BMP15: variants seen among roughly 807,000 people sequenced by gnomAD.
The protein encoded by BMP15 is bone morphogenetic protein 15.
A neutral mutation model predicts 4.4 loss-of-function variants in BMP15; 5 were observed. The ratio of observed to expected loss-of-function variants is 1.13; its 90% CI spans 0.59 to 2.38. The LOEUF is 2.38. Among genes scored for constraint, BMP15 ranks in the 30% most tolerant of loss-of-function variants. The probability of loss-of-function intolerance (pLI) is 0.01; values close to 1 mark genes in which losing one functional copy is unlikely to be tolerated. For synonymous variants in BMP15, 125 were observed against 114.6 expected (o/e 1.09, Z -0.58); for missense variants, 339 against 309.8 (o/e 1.09, Z -0.71).
chrX:50,910,949 C>T lies in BMP15; in HGVS notation c.166C>T (p.Gln56Ter). The T allele has an allele frequency of 8.4e-7, 1 of 1,194,428 alleles. No homozygotes were observed. Among genetic ancestry groups the T allele is most frequent in the East Asian group, 3.0e-5 (1 of 32,958 alleles). ...EELLEESPGEQPRKPRLLGHS... is the reference protein window; with the variant it reads ...EELLEESPGE ...GCTGCTAGAAGAATCCCCTGGCGAACAGCCAAGGAAGCCCCGGCTCCTAGG... is the reference window on the plus strand; with the variant it reads ...GCTGCTAGAAGAATCCCCTGGCGAATAGCCAAGGAAGCCCCGGCTCCTAGG... The change falls in exon 1 of 2, where the codon CAG becomes TAG. Residue 56 changes from glutamine (Q) to a stop codon, truncating the protein, a stop_gained. Coordinates refer to ENST00000252677, the MANE Select transcript of BMP15 (RefSeq NM_005448.2). LOFTEE classifies it high-confidence loss of function.
chrX:50,911,164 T>G, intron 1 of BMP15, 53 bp downstream of exon 1: 1 of 1,130,384 alleles, frequency 8.8e-7, no homozygotes, highest in Non-Finnish European at 1.2e-6. Flanking sequence ...TGGAGAGGAG[T>G]GTAGAGAAAA....
At position 50,915,966 on chromosome X, in the gene BMP15, G is replaced by T. The variant is rs104894767; in HGVS notation, c.538G>T (p.Ala180Ser). ...CTCAAAACCTTCCCTGATGTCTAAC[G>T]CTTGGAAAGAGATGGATATCACACA... ...DSSKPSLMSN[A>S]WKEMDITQLV... Residue 180 changes from alanine (A) to serine (S), a missense_variant, in exon 2 of 2, where the codon GCT becomes TCT. By Grantham distance (99) the Ala-to-Ser change is moderately conservative (BLOSUM62 1). Coordinates refer to ENST00000252677, the MANE Select transcript of BMP15 (RefSeq NM_005448.2). The T allele has an allele frequency of 1.0e-4, 125 of 1,209,883 alleles. 1 individual carries two copies. The South Asian group carries it at 2.0e-3, about 19-fold the overall frequency.
chrX:50,915,725 A>C, intron 1 of BMP15, 32 bp from the exon 2 acceptor site: 1 of 1,210,504 alleles, frequency 8.3e-7, no homozygotes, highest in African/African-American at 1.7e-5. Flanking sequence ...AAGAAGCTAA[A>C]CCTCTGCTCT....
At chrX:50,913,941 T>C (rs1923065628) in intron 1 of BMP15, among the ~76,000 whole-genome samples, 1 of 111,582 alleles carries the variant, frequency 9.0e-6, no homozygotes, top group Non-Finnish European at 1.9e-5. Context: ...CCCAAGGGTA[T>C]ATTAAGCATG....
chrX:50,913,377 T>G (rs1209352075), intron 1 of BMP15, among the ~76,000 whole-genome samples: 17 of 111,017 alleles, frequency 1.5e-4, no homozygotes, highest in Non-Finnish European at 3.0e-4. Flanking sequence ...TAGAGGAACA[T>G]TTGAGCCTGG....
Position 50,915,809 on chromosome X carries a change from A to G in BMP15, c.381A>G (p.Leu127=), listed in dbSNP as rs112760570. The change falls in exon 2 of 2, where the codon CTA becomes CTG. Residue 127 remains leucine (L), a synonymous_variant. Transcript: ENST00000252677. ...LGFPLRPNRG[L]YQLVRATVVY... ...TTCCTCTCAGACCAAACCGAGGACT[A>G]TACCAACTAGTTAGAGCCACTGTGG... 2.3e-5 allele frequency: 28 copies of G among 1,209,542 alleles called. No individual in the cohort carries two copies. In the African/African-American group the frequency reaches 3.7e-4, roughly 16 times the overall value.
intron 1 of BMP15, among the ~76,000 whole-genome samples, chrX:50,915,380 T>G (rs1923103948): frequency 9.0e-6 from 1 of 110,742 alleles, no homozygotes; most frequent in Non-Finnish European, 1.9e-5. Context: ...TATATTTGAG[T>G]TTTTTCCCCC....
intron 1 of BMP15, among the ~76,000 whole-genome samples, chrX:50,913,704 C>T (rs1557280126): frequency 9.0e-6 from 1 of 110,642 alleles, no homozygotes; most frequent in African/African-American, 3.3e-5. Flanking sequence ...TCTTAGCAAC[C>T]CCATCCTGCT....
At chrX:50,911,567 C>A (rs1923016502) in intron 1 of BMP15, among the ~76,000 whole-genome samples, 1 of 111,872 alleles carries the variant, frequency 8.9e-6, no homozygotes, top group Admixed American at 9.5e-5. Context: ...GTATACCTGG[C>A]TCTGTGAACA....
intron 1 of BMP15, among the ~76,000 whole-genome samples, chrX:50,911,531 A>G (rs1461616763): frequency 4.5e-5 from 5 of 112,357 alleles, no homozygotes; most frequent in African/African-American, 1.6e-4. Flanking sequence ...CAGAAAGGAC[A>G]TAAATAAGCT....
At chrX:50,912,118 G>A (rs1185536859) in intron 1 of BMP15, among the ~76,000 whole-genome samples, 1 of 111,811 alleles carries the variant, frequency 8.9e-6, no homozygotes, top group Non-Finnish European at 1.9e-5. Context: ...ATTACTGTGT[G>A]CCAGGCATTG....
Position 50,915,683 on chromosome X carries a change from A to C in BMP15, c.329-74A>C, listed in dbSNP as rs73488037. 0.018 allele frequency: 20,943 copies of C among 1,166,283 alleles called. 642 individuals are homozygous for C. Among genetic ancestry groups the C allele is most frequent in the African/African-American group, 0.14 (7,749 of 56,208 alleles). The stretch of plus-strand genomic sequence containing the variant: ...ATTATAGCTATCAGTCTATATCAAG[A>C]CAGTTTATGAGGAATATTCATGTTA... On this transcript the variant is annotated intron_variant, in intron 1 of 1. Coordinates refer to ENST00000252677, the MANE Select transcript of BMP15 (RefSeq NM_005448.2).
In BMP15 at chrX:50,916,277, T is replaced by C; in HGVS notation, c.849T>C (p.His283=). ...AGGTTACTGCCTCTTCCTCAAAACA[T>C]AGCGGGCCTGAAAATAACCAGTGTT... The part of the protein sequence containing the change: ...SAEVTASSSK[H]SGPENNQCSL... The change falls in exon 2 of 2, where the codon CAT becomes CAC. Residue 283 remains histidine, a synonymous_variant. Coordinates refer to ENST00000252677, the MANE Select transcript of BMP15 (RefSeq NM_005448.2). 1 of 1,207,691 alleles carries C rather than the reference T, an allele frequency of 8.3e-7. No individual in the cohort carries two copies. The highest frequency in any genetic ancestry group is 1.1e-6 in the Non-Finnish European group (1 of 893,078).
Position 50,915,858 on chromosome X carries a change from A to C in BMP15, c.430A>C (p.Thr144Pro). Residue 144 changes from threonine to proline, a missense_variant, in exon 2 of 2, where the codon ACT becomes CCT. By Grantham distance (38) the Thr-to-Pro change is conservative. Transcript: ENST00000252677. ...TVVYRHHLQLTRFNLSCHVEP... is the reference protein window; with the variant it reads ...TVVYRHHLQLPRFNLSCHVEP... Reference sequence around the variant, plus strand: ...GGTTTACCGCCATCATCTCCAACTAACTCGCTTCAATCTCTCCTGCCATGT... The same window carrying C: ...GGTTTACCGCCATCATCTCCAACTACCTCGCTTCAATCTCTCCTGCCATGT... 2 of 1,211,010 alleles carry C rather than the reference A, an allele frequency of 1.7e-6. No homozygotes were observed. Among genetic ancestry groups the C allele is most frequent in the Non-Finnish European group, 2.2e-6 (2 of 895,276 alleles).
chrX:50,910,828 C>T lies in BMP15; in HGVS notation c.45C>T (p.Leu15=), dbSNP rs956419383. The T allele has an allele frequency of 5.8e-6, 7 of 1,208,102 alleles. No homozygotes were observed. The highest frequency in any genetic ancestry group is 7.8e-6 in the Non-Finnish European group (7 of 894,118). The change falls in exon 1 of 2, where the codon CTC becomes CTT. Residue 15 remains leucine (L), a synonymous_variant. Transcript: ENST00000252677. ...TTAGAATTCTTTTTCTTTGTGAACT[C>T]GTGCTTTTCATGGAACACAGGGCCC... is the stretch of plus-strand genomic sequence containing the variant. ...SILRILFLCE[L]VLFMEHRAQM... is the part of the protein sequence containing the mutation.
chrX:50,916,596 A>G lies in BMP15; in HGVS notation c.1168A>G (p.Thr390Ala). 1 of 1,211,453 alleles carries G rather than the reference A, an allele frequency of 8.3e-7. No individual in the cohort carries two copies. The highest frequency in any genetic ancestry group is 1.1e-6 in the Non-Finnish European group (1 of 895,500). Residue 390 changes from threonine to alanine, a missense_variant, in exon 2 of 2, where the codon ACA becomes GCA. Physicochemically the swap from Thr to Ala is moderately conservative, Grantham distance 58 (BLOSUM62 0). Transcript: ENST00000252677. ...EYEGMIAESC[T>A]CR ...TGAGGGTATGATTGCTGAGTCTTGT[A>G]CATGCAGATGACAGCAACAGTACGG...
At position 50,911,065 on chromosome X, in the gene BMP15, G is replaced by A. The variant is rs1375784659; in HGVS notation, c.282G>A (p.Met94Ile). The change falls in exon 1 of 2, where the codon ATG becomes ATA. Residue 94 changes from methionine (M) to isoleucine (I), a missense_variant. Transcript: ENST00000252677. ...AGAACCGCACCATTGGGGCCACCAT[G>A]GTGAGGCTGGTGAAGCCCTTGACCA... ...PRENRTIGAT[M>I]VRLVKPLTNV... 3.4e-6 allele frequency: 4 copies of A among 1,192,674 alleles called. No individual in the cohort carries two copies. The African/African-American group carries it at 5.3e-5, about 16-fold the overall frequency.
chrX:50,913,156 A>G (rs1557280086), intron 1 of BMP15, among the ~76,000 whole-genome samples: 3 of 111,585 alleles, frequency 2.7e-5, no homozygotes, highest in Non-Finnish European at 5.7e-5. Context: ...TCCTAAGAGC[A>G]GCAGAAAGTT....
chrX:50,915,384 T>C, intron 1 of BMP15, among the ~76,000 whole-genome samples: 1 of 111,302 alleles, frequency 9.0e-6, no homozygotes, highest in Middle Eastern at 4.6e-3. Context: ...TTTGAGTTTT[T>C]TCCCCCGAGC....
Sources: allele counts gnomAD v4.1 joint callset (sites outside exome capture counted in the v4.1 genomes callset), GRCh38; gene constraint gnomAD v4.1.1; transcripts MANE v1.5; gene names NCBI Gene and HGNC (gene_info 2026-07-23, HGNC 2026-07-21).